The following PLA2G6 variants were observed in gnomAD, a reference collection of about 807,000 sequenced individuals.
The protein encoded by PLA2G6 is phospholipase A2 group VI.
PLA2G6 carries 62 observed loss-of-function variants against 83.8 expected under a neutral mutation model. That is an observed-to-expected ratio of 0.74 (90% CI 0.60 to 0.91). The LOEUF (loss-of-function observed/expected upper bound fraction) is 0.91. Among genes scored for constraint, PLA2G6 ranks in the 40% least tolerant of loss-of-function variants. PLA2G6 has a pLI of 0.00. For missense variants in PLA2G6, 944 were observed against 1,102.0 expected, an observed-to-expected ratio of 0.86 and a Z score of 2.03; for synonymous variants, 417 against 449.8, an observed-to-expected ratio of 0.93 and a Z score of 0.92.
chr22:38,113,922 T>G (rs906344024), intron 14 of PLA2G6: 4 of 562,720 alleles, frequency 7.1e-6, no homozygotes, highest in Non-Finnish European at 1.0e-5. Context: ...GCAAGAAGGA[T>G]CCCGCCCACC....
At chr22:38,141,978 T>G (rs1229088424) in intron 4 of PLA2G6, 2 of 151,744 alleles carry the variant, frequency 1.3e-5, no homozygotes, top group Non-Finnish European at 2.9e-5. Context: ...GTGGATCACT[T>G]AAGGCCAGGA....
intron 2 of PLA2G6, among the ~76,000 whole-genome samples, chr22:38,161,421 T>C (rs747938506): frequency 1.3e-5 from 2 of 152,178 alleles, no homozygotes; most frequent in Non-Finnish European, 2.9e-5. Flanking sequence ...TCCATCCTCA[T>C]GACCTAATCA....
intron 2 of PLA2G6, among the ~76,000 whole-genome samples, chr22:38,162,885 G>A (rs1322392781): frequency 6.6e-6 from 1 of 152,124 alleles, no homozygotes; most frequent in Non-Finnish European, 1.5e-5. Context: ...ACAGTGAGGA[G>A]GCAAAGGGGA....
rs1235479823 is a variant in PLA2G6 at position 38,128,565 on chromosome 22, G to A, written c.1187-135C>T. The A allele has an allele frequency of 1.1e-6, 1 of 901,828 alleles. No homozygotes were observed. Among genetic ancestry groups the A allele is most frequent in the Non-Finnish European group, 1.7e-6 (1 of 581,512 alleles). 55.9% of individuals were successfully genotyped at this position (901,828 alleles called of 1,614,324 possible). A position where few individuals can be genotyped will look rare whatever the true frequency, so the allele number is the denominator to read the frequency against. ...CCTGGGCACGTGGGCTGCTCCAGAG[G>A]CCTCAGCCCACCCTGACAGGGAGTG... is the stretch of plus-strand genomic sequence containing the variant. On this transcript the variant is annotated intron_variant, in intron 8 of 16. Coordinates refer to ENST00000332509, the MANE Select transcript of PLA2G6 (RefSeq NM_003560.4). This position sits in a 1 kb window ranked among gnomAD's most constrained non-coding sequence, Gnocchi z 4.4.
chr22:38,174,577 G>A (rs559458648), intron 1 of PLA2G6, among the ~76,000 whole-genome samples: 7 of 152,262 alleles, frequency 4.6e-5, no homozygotes, highest in African/African-American at 1.4e-4. Flanking sequence ...ACGGTCCCCT[G>A]AGGGAAGGAC....
intron 11 of PLA2G6, among the ~76,000 whole-genome samples, chr22:38,122,587 G>T (rs2087586659): frequency 1.3e-5 from 2 of 152,352 alleles, no homozygotes; most frequent in African/African-American, 4.8e-5. Context: ...CCATGGATGA[G>T]CTATGTGACT....
chr22:38,132,160 C>A lies in PLA2G6; in HGVS notation c.1077+671G>T, dbSNP rs147892481. ...CACACATATGTCTGTAACACAGTAA[C>A]GTCCTCCTCTGCTAGGTTTAATATG... On this transcript the variant is annotated intron_variant, in intron 7 of 16. Coordinates refer to ENST00000332509, the MANE Select transcript of PLA2G6 (RefSeq NM_003560.4). The surrounding 1 kb of genome is among the most constrained non-coding windows in gnomAD (Gnocchi z 5.0). The A allele has an allele frequency of 2.0e-5, 9 of 454,346 alleles. No homozygotes were observed. In the East Asian group the frequency reaches 3.5e-4, roughly 18 times the overall value. 28.1% of individuals were successfully genotyped at this position (454,346 alleles called of 1,614,324 possible). A position where few individuals can be genotyped will look rare whatever the true frequency, so the allele number is the denominator to read the frequency against.
intron 2 of PLA2G6, among the ~76,000 whole-genome samples, chr22:38,162,959 G>A (rs1481588696): frequency 1.3e-5 from 2 of 152,084 alleles, no homozygotes; most frequent in African/African-American, 4.8e-5. Context: ...CTCCCTTCTA[G>A]AACCCCAGGC....
intron 14 of PLA2G6, among the ~76,000 whole-genome samples, chr22:38,114,181 CTT>C (rs892300892): frequency 8.0e-5 from 11 of 137,532 alleles, no homozygotes; most frequent in Admixed American, 1.5e-4. Context: ...TGGGTGCTGC[CTT>C]TTTTTTTTTT....
intron 2 of PLA2G6, among the ~76,000 whole-genome samples, chr22:38,166,439 GACAA>G (rs1050101402): frequency 1.3e-5 from 2 of 152,102 alleles, no homozygotes; most frequent in Non-Finnish European, 2.9e-5. Flanking sequence ...TTAGAAATAA[GACAA>G]ACAAAGCCGG....
intron 2 of PLA2G6, among the ~76,000 whole-genome samples, chr22:38,150,834 C>A (rs1391311369): frequency 2.0e-5 from 3 of 152,210 alleles, no homozygotes; most frequent in Non-Finnish European, 2.9e-5. Flanking sequence ...TGCCTATAAT[C>A]CCAGCACTTT....
rs766520356 is a variant in PLA2G6 at position 38,123,212 on chromosome 22, T to C, written c.1474A>G (p.Ile492Val). Reference protein sequence around the residue: ...CLDGGGVKGLIIIQLLIAIEK... With the variant: ...CLDGGGVKGLVIIQLLIAIEK... Reference sequence around the variant, plus strand: ...ATGGCGATGAGGAGCTGGATGATGATGAGGCCTTTCACTCCTCCTCCATCC... The same window carrying C: ...ATGGCGATGAGGAGCTGGATGATGACGAGGCCTTTCACTCCTCCTCCATCC... Residue 492 changes from isoleucine (I) to valine (V), a missense_variant, in exon 11 of 17, where the codon ATC (isoleucine) becomes GTC (valine). By Grantham distance (29) the Ile-to-Val change is conservative. Transcript: ENST00000332509. The surrounding 1 kb of genome is among the most constrained non-coding windows in gnomAD (Gnocchi z 4.1). The C allele has an allele frequency of 2.1e-5, 33 of 1,555,912 alleles. No homozygotes were observed. In the South Asian group the frequency reaches 3.4e-4, roughly 16 times the overall value.
chr22:38,124,929 G>T (rs2087746075), intron 10 of PLA2G6, among the ~76,000 whole-genome samples: 1 of 152,196 alleles, frequency 6.6e-6, no homozygotes, highest in Non-Finnish European at 1.5e-5. Flanking sequence ...GAGGGCGCAG[G>T]GCTCTGTAGC....
intron 14 of PLA2G6, among the ~76,000 whole-genome samples, chr22:38,114,846 C>T (rs1444234053): frequency 1.3e-5 from 2 of 152,166 alleles, no homozygotes; most frequent in Non-Finnish European, 2.9e-5. Flanking sequence ...CTATGATGGC[C>T]CCATTAGGTA....
Position 38,112,086 on chromosome 22 carries a change from G to T in PLA2G6, c.*75C>A. 6.6e-7 allele frequency: 1 copy of T among 1,505,114 alleles called. No individual in the cohort carries two copies. 93.2% of individuals were successfully genotyped at this position (1,505,114 alleles called of 1,614,324 possible). On this transcript the variant is annotated 3_prime_UTR_variant, in exon 17 of 17. Transcript: ENST00000332509. Reference sequence around the variant, plus strand: ...TGCCTGGGCCCAGATCTGCCCGGGAGGGCAGTGGCTGGGCTTGGCCTGGCA... The same window carrying T: ...TGCCTGGGCCCAGATCTGCCCGGGATGGCAGTGGCTGGGCTTGGCCTGGCA...
chr22:38,114,780 G>A (rs537316514), intron 14 of PLA2G6, among the ~76,000 whole-genome samples: 1 of 152,216 alleles, frequency 6.6e-6, no homozygotes, highest in African/African-American at 2.4e-5. Context: ...CGGCAGTGCT[G>A]TGAACATTTC....
At chr22:38,168,809 C>G (rs11570611) in intron 2 of PLA2G6, among the ~76,000 whole-genome samples, 7,033 of 152,238 alleles carry the variant, frequency 0.046, 524 homozygotes, top group African/African-American at 0.16. Flanking sequence ...GAGATTGCGC[C>G]ACTGCACTCC....
intron 12 of PLA2G6, 28 bp from the exon 13 acceptor site, chr22:38,116,239 C>A (rs760155875): frequency 6.2e-7 from 1 of 1,613,232 alleles, no homozygotes; most frequent in South Asian, 1.1e-5. Context: ...AGGAGGACGG[C>A]TGAGCCACCC....
chr22:38,156,461 A>ATT (rs132958), intron 2 of PLA2G6, among the ~76,000 whole-genome samples: 44 of 150,268 alleles, frequency 2.9e-4, no homozygotes, highest in Non-Finnish European at 4.3e-4. Flanking sequence ...TATTGTTATT[A>ATT]TTTTTTTTTT....
Sources: allele counts gnomAD v4.1 joint callset (sites outside exome capture counted in the v4.1 genomes callset), GRCh38; gene constraint gnomAD v4.1.1; non-coding constraint Gnocchi (gnomAD v3.1); transcripts MANE v1.5; gene names NCBI Gene and HGNC (gene_info 2026-07-23, HGNC 2026-07-21).